Variants in RORA observed in about 807,000 individuals in gnomAD.
RORA encodes RAR related orphan receptor A, also known as nuclear receptor ROR-alpha.
A neutral mutation model predicts 69.5 loss-of-function variants in RORA; 7 were observed. The ratio of observed to expected loss-of-function variants is 0.10; its 90% CI spans 0.06 to 0.19. The LOEUF (loss-of-function observed/expected upper bound fraction) is 0.19. Among genes scored for constraint, RORA ranks in the 10% least tolerant of loss-of-function variants. The pLI, the probability that RORA is intolerant of heterozygous loss-of-function variation, is 1.00. For missense variants in RORA, 457 were observed against 663.0 expected (o/e 0.69, Z 3.41); for synonymous variants, 261 against 240.8 (o/e 1.08, Z -0.78).
At chr15:60,655,277 C>T (rs538429044) in intron 2 of RORA, among the ~76,000 whole-genome samples, 1 of 152,042 alleles carries the variant, frequency 6.6e-6, no homozygotes, top group South Asian at 2.1e-4. Flanking sequence ...AAGAAACATT[C>T]CTTTAAGGCT....
In RORA at chr15:60,576,045, C is replaced by G. The variant is rs74470380; in HGVS notation, c.197-44194G>C. Among the ~76,000 whole-genome samples the G allele has an allele frequency of 9.9e-3, 1,501 of 152,318 alleles. 24 individuals carry two copies. The highest frequency in any genetic ancestry group is 0.035 in the African/African-American group (1,449 of 41,558). ...CCTTCCTCTTCACTCCCATCCTTCC[C>G]CCACATCACCACTGTGAGTTGTTCT... On this transcript the variant is annotated intron_variant, in intron 2 of 10. Transcript: ENST00000335670.
chr15:60,623,885 A>G (rs1308493605), intron 2 of RORA, among the ~76,000 whole-genome samples: 1 of 152,212 alleles, frequency 6.6e-6, no homozygotes, highest in African/African-American at 2.4e-5. Flanking sequence ...CTTTATCACT[A>G]AATAAGTTAT....
chr15:60,718,170 G>T (rs1173488147), intron 1 of RORA, among the ~76,000 whole-genome samples: 1 of 152,182 alleles, frequency 6.6e-6, no homozygotes. Flanking sequence ...AATAAAATTA[G>T]TTCAACATAT....
intron 1 of RORA, among the ~76,000 whole-genome samples, chr15:60,922,093 A>G (rs1418269516): frequency 2.0e-5 from 3 of 152,234 alleles, no homozygotes; most frequent in African/African-American, 4.8e-5. Context: ...TTTTGCATAT[A>G]TACATCAGTT....
chr15:61,087,885 AT>A (rs1347771618), intron 1 of RORA, among the ~76,000 whole-genome samples: 2 of 152,158 alleles, frequency 1.3e-5, no homozygotes, highest in Non-Finnish European at 2.9e-5. Flanking sequence ...GCTTTTGGAG[AT>A]TGTCACAGTG....
At chr15:60,675,792 C>T (rs1385190927) in intron 2 of RORA, among the ~76,000 whole-genome samples, 1 of 152,150 alleles carries the variant, frequency 6.6e-6, no homozygotes, top group Admixed American at 6.5e-5. Context: ...GCTCATTTTG[C>T]AGTATGTGCA....
intron 1 of RORA, among the ~76,000 whole-genome samples, chr15:60,902,596 T>G (rs1891422813): frequency 6.6e-6 from 1 of 152,222 alleles, no homozygotes; most frequent in Admixed American, 6.5e-5. Context: ...TCTACATAGC[T>G]GAAAGATGAT....
At chr15:60,865,889 C>T (rs7177996) in intron 1 of RORA, among the ~76,000 whole-genome samples, 54,270 of 151,918 alleles carry the variant, frequency 0.36, 9,944 homozygotes, top group South Asian at 0.39. Context: ...TAATGCTTTA[C>T]GCCTTTGTTC....
intron 2 of RORA, 73 bp downstream of exon 2, chr15:60,678,584 G>T: frequency 8.8e-7 from 1 of 1,134,740 alleles, no homozygotes; most frequent in Middle Eastern, 1.9e-4. Flanking sequence ...TACTTGAAGG[G>T]TCACAGCAGC....
chr15:60,794,700 C>G (rs1288786445), intron 1 of RORA, among the ~76,000 whole-genome samples: 1 of 152,200 alleles, frequency 6.6e-6, no homozygotes, highest in East Asian at 1.9e-4. Flanking sequence ...AATTTCTAAA[C>G]GATTGGCCAC....
chr15:61,208,767 G>A (rs1165754383), intron 1 of RORA, among the ~76,000 whole-genome samples: 1 of 152,124 alleles, frequency 6.6e-6, no homozygotes, highest in Admixed American at 6.6e-5. Flanking sequence ...GATCAGAACC[G>A]AGGCCTCCTG....
rs1595865068 is a variant in RORA, at chr15:60,500,020, T to C, written c.1295-16A>G. 2 of 1,508,216 alleles carry C rather than the reference T, an allele frequency of 1.3e-6. No individual in the cohort carries two copies. Among genetic ancestry groups the C allele is most frequent in the East Asian group, 2.3e-5 (1 of 44,230 alleles). 93.4% of individuals were successfully genotyped at this position (1,508,216 alleles called of 1,614,324 possible). On this transcript the variant is annotated splice_polypyrimidine_tract_variant and intron_variant, in intron 9 of 10. Transcript: ENST00000335670. ...CATGAGCGATCTAAGCATAAAAAAA[T>C]GATATTCTTTAGCATTCCTCTGACA...
At chr15:60,932,679 G>C (rs916494282) in intron 1 of RORA, among the ~76,000 whole-genome samples, 2 of 152,146 alleles carry the variant, frequency 1.3e-5, no homozygotes, top group African/African-American at 2.4e-5. Context: ...GGAAACCACA[G>C]CTCCTGCAAA....
chr15:60,993,260 T>C (rs146927999), intron 1 of RORA, among the ~76,000 whole-genome samples: 8 of 152,192 alleles, frequency 5.3e-5, no homozygotes, highest in African/African-American at 1.9e-4. Flanking sequence ...ATATGGGATC[T>C]CACTGACCTT....
At chr15:61,227,196 T>C (rs1270702043) in intron 1 of RORA, among the ~76,000 whole-genome samples, 2 of 111,246 alleles carry the variant, frequency 1.8e-5, no homozygotes, top group Non-Finnish European at 4.0e-5. Flanking sequence ...CTAAATACTA[T>C]GTCCCCCCCA....
intron 1 of RORA, among the ~76,000 whole-genome samples, chr15:60,871,837 A>T (rs1349161200): frequency 6.6e-6 from 1 of 152,210 alleles, no homozygotes; most frequent in Non-Finnish European, 1.5e-5. Context: ...AAACTGGTAA[A>T]ATCCAAATAA....
At chr15:60,635,069 T>C (rs900898968) in intron 2 of RORA, among the ~76,000 whole-genome samples, 1 of 152,196 alleles carries the variant, frequency 6.6e-6, no homozygotes, top group African/African-American at 2.4e-5. Flanking sequence ...GGCCTGCCCC[T>C]CTGCTTCCCT....
At chr15:60,713,928 C>T (rs986570164) in intron 1 of RORA, among the ~76,000 whole-genome samples, 1 of 152,178 alleles carries the variant, frequency 6.6e-6, no homozygotes, top group South Asian at 2.1e-4. Flanking sequence ...TAAGACTTTG[C>T]AGGGTAATAA....
At chr15:60,906,147 T>C (rs2140473482) in intron 1 of RORA, among the ~76,000 whole-genome samples, 1 of 152,334 alleles carries the variant, frequency 6.6e-6, no homozygotes, top group South Asian at 2.1e-4. Context: ...CTGTGAAACA[T>C]GTAGCCTCTT....
Sources: allele counts gnomAD v4.1 joint callset (sites outside exome capture counted in the v4.1 genomes callset), GRCh38; gene constraint gnomAD v4.1.1; transcripts MANE v1.5; gene names NCBI Gene and HGNC (gene_info 2026-07-23, HGNC 2026-07-21).